MITF: variants seen among roughly 807,000 people sequenced by gnomAD.
MITF encodes the protein microphthalmia-associated transcription factor.
A neutral mutation model predicts 60.5 loss-of-function variants in MITF; 17 were observed. The ratio of observed to expected loss-of-function variants is 0.28; its 90% CI spans 0.19 to 0.42. The LOEUF is 0.42. MITF is among the 10% of genes least tolerant of loss of function. The pLI is 1.00. For missense variants in MITF, 622 were observed against 683.5 expected, an observed-to-expected ratio of 0.91 and a Z score of 1.00; for synonymous variants, 260 against 248.5, an observed-to-expected ratio of 1.05 and a Z score of -0.43.
chr3:69,752,073 G>A (rs934225518), intron 1 of MITF: 3 of 152,216 alleles, frequency 2.0e-5, no homozygotes, highest in Non-Finnish European at 4.4e-5. Context: ...CTGAGCAGAT[G>A]CCAGCATCAT....
At chr3:69,816,443 T>A (rs185633070) in intron 1 of MITF, among the ~76,000 whole-genome samples, 1 of 152,330 alleles carries the variant, frequency 6.6e-6, no homozygotes, top group East Asian at 1.9e-4. Flanking sequence ...TCGTGAACTG[T>A]TGTTTAATAA....
intron 5 of MITF, among the ~76,000 whole-genome samples, chr3:69,943,820 A>G (rs77099757): frequency 0.02 from 3,009 of 152,168 alleles, 97 homozygotes; most frequent in African/African-American, 0.068. Flanking sequence ...GGCTGGGTCC[A>G]TGGTTCACGC....
At chr3:69,877,426 T>C (rs1434871307) in intron 1 of MITF, among the ~76,000 whole-genome samples, 1 of 152,142 alleles carries the variant, frequency 6.6e-6, no homozygotes, top group Admixed American at 6.5e-5. Context: ...CTTATGCTTT[T>C]TGTTGTCATA....
intron 2 of MITF, among the ~76,000 whole-genome samples, chr3:69,910,813 G>C (rs1439785402): frequency 6.6e-6 from 1 of 152,112 alleles, no homozygotes; most frequent in East Asian, 1.9e-4. Context: ...GATTGCTTTT[G>C]ATTTTCCAGG....
At chr3:69,944,001 G>A (rs2066033339) in intron 5 of MITF, among the ~76,000 whole-genome samples, 1 of 152,056 alleles carries the variant, frequency 6.6e-6, no homozygotes, top group South Asian at 2.1e-4. Flanking sequence ...GGCTGAGATG[G>A]GAGGATCACT....
intron 2 of MITF, among the ~76,000 whole-genome samples, chr3:69,921,253 T>G (rs955008600): frequency 3.9e-5 from 6 of 152,244 alleles, no homozygotes; most frequent in Non-Finnish European, 7.3e-5. Flanking sequence ...AAGCTAAGCA[T>G]TAGCCAACTT....
chr3:69,861,106 C>G (rs1169082334), intron 1 of MITF, among the ~76,000 whole-genome samples: 1 of 152,178 alleles, frequency 6.6e-6, no homozygotes, highest in African/African-American at 2.4e-5. Flanking sequence ...GTGAGTTGTG[C>G]TCAGCCACTA....
At chr3:69,759,928 C>G (rs1382502242) in intron 1 of MITF, among the ~76,000 whole-genome samples, 2 of 152,190 alleles carry the variant, frequency 1.3e-5, no homozygotes. Context: ...CAGGCACCCG[C>G]CACCACACCT....
At chr3:69,952,530 G>A (rs2066283250) in intron 7 of MITF, among the ~76,000 whole-genome samples, 1 of 152,012 alleles carries the variant, frequency 6.6e-6, no homozygotes, top group Admixed American at 6.6e-5. Context: ...AATTGTGTGT[G>A]AATTTCTCAT....
chr3:69,838,137 T>G (rs1455302940), intron 1 of MITF, among the ~76,000 whole-genome samples: 34 of 152,170 alleles, frequency 2.2e-4, no homozygotes, highest in Admixed American at 2.2e-3. Context: ...AGAGTAGAAT[T>G]GAATAGAAAT....
intron 2 of MITF, among the ~76,000 whole-genome samples, chr3:69,898,838 G>T (rs1052986601): frequency 3.3e-5 from 5 of 152,154 alleles, no homozygotes; most frequent in African/African-American, 1.2e-4. Context: ...TGAATGGGAA[G>T]AGGAAATGGA....
chr3:69,920,299 A>G (rs939366621), intron 2 of MITF, among the ~76,000 whole-genome samples: 3 of 152,126 alleles, frequency 2.0e-5, no homozygotes, highest in South Asian at 4.1e-4. Context: ...CTTAGCAGAC[A>G]GGGAAAGGGA....
chr3:69,866,151 C>G (rs1239853456), intron 1 of MITF: 26 of 1,469,306 alleles, frequency 1.8e-5, no homozygotes, highest in African/African-American at 2.9e-5. Context: ...AACCAGGCAC[C>G]GTTCTAGCAC....
At chr3:69,740,747 C>A (rs1169234527) in intron 1 of MITF, among the ~76,000 whole-genome samples, 2 of 152,192 alleles carry the variant, frequency 1.3e-5, no homozygotes, top group Non-Finnish European at 2.9e-5. Context: ...ATAAGGCTAT[C>A]ATTGGAAGCA....
At chr3:69,959,726 C>T (rs1052794747) in intron 9 of MITF, among the ~76,000 whole-genome samples, 4 of 152,208 alleles carry the variant, frequency 2.6e-5, no homozygotes, top group Non-Finnish European at 4.4e-5. Context: ...TTTCAGCTCT[C>T]ATCCTCTAAA....
chr3:69,775,430 G>A (rs2062458533), intron 1 of MITF, among the ~76,000 whole-genome samples: 1 of 152,186 alleles, frequency 6.6e-6, no homozygotes, highest in Non-Finnish European at 1.5e-5. Flanking sequence ...TACAGAAGAT[G>A]TGATTCTTGT....
chr3:69,835,015 C>CTTTTTTTTTT (rs142347719), intron 1 of MITF, among the ~76,000 whole-genome samples: 3 of 68,546 alleles, frequency 4.4e-5, no homozygotes, highest in African/African-American at 5.4e-5. Flanking sequence ...GCTCTTTTAC[C>CTTTTTTTTTT]TTTTTTTTTT....
At chr3:69,802,615 C>G (rs1396480150) in intron 1 of MITF, among the ~76,000 whole-genome samples, 2 of 148,588 alleles carry the variant, frequency 1.3e-5, no homozygotes, top group African/African-American at 4.9e-5. Context: ...TGTATTGAAT[C>G]ATTATTGATC....
At chr3:69,949,980 AT>A (rs985137565) in intron 6 of MITF, among the ~76,000 whole-genome samples, 2 of 152,062 alleles carry the variant, frequency 1.3e-5, no homozygotes, top group Non-Finnish European at 2.9e-5. Flanking sequence ...TCTTAAAAAA[AT>A]TTTTTTTAGA....
Sources: gnomAD v4.1 joint callset for allele counts (sites outside exome capture counted in the v4.1 genomes callset) on GRCh38, gnomAD v4.1.1 for gene constraint, MANE v1.5 for transcripts, NCBI Gene and HGNC (gene_info 2026-07-23, HGNC 2026-07-21) for gene names.